The following SGPL1 variants were observed in gnomAD, a reference collection of about 807,000 sequenced individuals.
SGPL1 encodes sphingosine-1-phosphate lyase 1.
In SGPL1, 37 loss-of-function variants were observed where a neutral mutation model predicts 68.9. The observed-to-expected ratio is 0.54, with a 90% CI of 0.41 to 0.71. The LOEUF (loss-of-function observed/expected upper bound fraction) is 0.71, where lower values mean the gene tolerates loss of function less well. SGPL1 is among the 30% of genes least tolerant of loss of function. SGPL1 has a pLI of 0.00. For missense variants in SGPL1, 551 were observed against 704.6 expected, an observed-to-expected ratio of 0.78 and a Z score of 2.47; for synonymous variants, 236 against 248.5, an observed-to-expected ratio of 0.95 and a Z score of 0.47.
At chr10:70,840,272 T>A (rs1224631238) in intron 2 of SGPL1, among the ~76,000 whole-genome samples, 1 of 152,062 alleles carries the variant, frequency 6.6e-6, no homozygotes, top group Non-Finnish European at 1.5e-5. Context: ...AGCGTAGTCA[T>A]GTCATTTCAC....
intron 9 of SGPL1, 173 bp downstream of exon 9, chr10:70,870,070 G>C: frequency 1.9e-6 from 1 of 517,908 alleles, no homozygotes; most frequent in South Asian, 2.9e-5. Flanking sequence ...CTTTTCATAG[G>C]TTCATGAATT....
intron 7 of SGPL1, among the ~76,000 whole-genome samples, chr10:70,863,079 G>A (rs1425435373): frequency 2.0e-5 from 3 of 152,088 alleles, no homozygotes; most frequent in Non-Finnish European, 2.9e-5. Flanking sequence ...TGACCTCTCT[G>A]GGCTCAAGCG....
At chr10:70,816,608 T>A (rs1248335203) in intron 1 of SGPL1, among the ~76,000 whole-genome samples, 3 of 152,162 alleles carry the variant, frequency 2.0e-5, no homozygotes, top group Admixed American at 6.5e-5. Flanking sequence ...ATTAGTTTCA[T>A]CAGCTGTGGG....
At chr10:70,826,682 C>G (rs1437849805) in intron 2 of SGPL1, among the ~76,000 whole-genome samples, 1 of 152,188 alleles carries the variant, frequency 6.6e-6, no homozygotes, top group Non-Finnish European at 1.5e-5. Flanking sequence ...CCCATCCTGA[C>G]TTTTATAATT....
At chr10:70,819,341 A>G (rs1589444855) in intron 2 of SGPL1, among the ~76,000 whole-genome samples, 2 of 152,200 alleles carry the variant, frequency 1.3e-5, no homozygotes, top group East Asian at 1.9e-4. Flanking sequence ...GACAACATAC[A>G]TGTTGCATGA....
intron 2 of SGPL1, among the ~76,000 whole-genome samples, chr10:70,823,544 A>C (rs1161911253): frequency 7.1e-6 from 1 of 141,146 alleles, no homozygotes; most frequent in Non-Finnish European, 1.5e-5. Flanking sequence ...TCAGACTTTT[A>C]AAGAAAACAC....
rs181850022 is a variant in SGPL1, at chr10:70,861,847, C to G, written c.615+2348C>G. On this transcript the variant is annotated intron_variant, in intron 7 of 14. Coordinates refer to ENST00000373202, the MANE Select transcript of SGPL1 (RefSeq NM_003901.4). ...AGTGCCGGCCTACCGGCACTGCGCT[C>G]GATTTCTCGCTGGGCCTTAGCTGCC... Among the ~76,000 whole-genome samples, 28 of 152,342 alleles carry G rather than the reference C, an allele frequency of 1.8e-4. No individual in the cohort carries two copies. In the East Asian group the frequency reaches 3.3e-3, roughly 18 times the overall value.
intron 5 of SGPL1, among the ~76,000 whole-genome samples, chr10:70,855,687 CTGAT>C (rs1182104638): frequency 6.6e-6 from 1 of 152,152 alleles, no homozygotes; most frequent in Non-Finnish European, 1.5e-5. Context: ...ATGTTTGTTA[CTGAT>C]TAAGATCATA....
rs2131838847 is a variant in SGPL1 at position 70,816,804 on chromosome 10, T to C, written c.-43-7T>C. The C allele has an allele frequency of 1.2e-6, 2 of 1,601,948 alleles. No homozygotes were observed. Among genetic ancestry groups the C allele is most frequent in the East Asian group, 4.5e-5 (2 of 44,794 alleles). On this transcript the variant is annotated splice_region_variant and splice_polypyrimidine_tract_variant and intron_variant, in intron 1 of 14. Transcript: ENST00000373202. ...TAGAAGTAAACAAACCTGGTTCCCT[T>C]TTACAGAGTCTGAAAAAGGGGAGCG...
chr10:70,865,732 C>T (rs1335042119), intron 7 of SGPL1, among the ~76,000 whole-genome samples: 2 of 152,200 alleles, frequency 1.3e-5, no homozygotes, highest in Non-Finnish European at 1.5e-5. Flanking sequence ...ACTATCTTTC[C>T]TTCTATTAAC....
At chr10:70,852,280 C>T (rs1845895910) in intron 4 of SGPL1, among the ~76,000 whole-genome samples, 1 of 152,178 alleles carries the variant, frequency 6.6e-6, no homozygotes, top group Non-Finnish European at 1.5e-5. Context: ...CCATTCAGAT[C>T]GCTGTGCTAA....
intron 2 of SGPL1, among the ~76,000 whole-genome samples, chr10:70,839,449 T>C (rs1366792889): frequency 6.6e-6 from 1 of 152,068 alleles, no homozygotes; most frequent in Non-Finnish European, 1.5e-5. Context: ...TAAGCAAGGG[T>C]TGGAGATAAG....
chr10:70,835,677 A>G (rs1048808904), intron 2 of SGPL1, among the ~76,000 whole-genome samples: 1 of 149,812 alleles, frequency 6.7e-6, no homozygotes, highest in African/African-American at 2.5e-5. Flanking sequence ...TGGAGTTTGC[A>G]GTGAACCAAG....
chr10:70,849,493 A>G (rs1422177871), intron 3 of SGPL1, among the ~76,000 whole-genome samples: 3 of 152,194 alleles, frequency 2.0e-5, no homozygotes, highest in Non-Finnish European at 4.4e-5. Context: ...ACCACAAACA[A>G]GTGGTTTCAG....
At chr10:70,823,238 CAA>C (rs1845373558) in intron 2 of SGPL1, among the ~76,000 whole-genome samples, 1 of 150,986 alleles carries the variant, frequency 6.6e-6, no homozygotes, top group African/African-American at 2.4e-5. Context: ...TTTTTTAGTA[CAA>C]AATATTCCCT....
chr10:70,829,715 A>C (rs1348746259), intron 2 of SGPL1, among the ~76,000 whole-genome samples: 1 of 152,140 alleles, frequency 6.6e-6, no homozygotes, highest in Non-Finnish European at 1.5e-5. Flanking sequence ...TTAGAGCCGA[A>C]GGTTTTGATT....
chr10:70,871,789 T>C, intron 10 of SGPL1, 48 bp from the exon 11 acceptor site: 2 of 1,581,216 alleles, frequency 1.3e-6, no homozygotes, highest in Non-Finnish European at 1.7e-6. Flanking sequence ...GTTTTTATTA[T>C]AGGGCTATAA....
At chr10:70,820,040 C>T (rs1191354504) in intron 2 of SGPL1, 1 of 152,130 alleles carries the variant, frequency 6.6e-6, no homozygotes, top group Non-Finnish European at 1.5e-5. Context: ...TGAGCAAAAG[C>T]TAGGAAACAA....
intron 2 of SGPL1, among the ~76,000 whole-genome samples, chr10:70,828,503 A>G (rs956254825): frequency 5.9e-5 from 9 of 152,100 alleles, no homozygotes; most frequent in South Asian, 2.1e-4. Context: ...TGTACAAGCA[A>G]TTCTAAAATG....
Sources: allele counts gnomAD v4.1 joint callset (sites outside exome capture counted in the v4.1 genomes callset), GRCh38; gene constraint gnomAD v4.1.1; transcripts MANE v1.5; gene names NCBI Gene and HGNC (gene_info 2026-07-23, HGNC 2026-07-21).